Variants in CHD3 observed in about 807,000 individuals in gnomAD.
CHD3 encodes the protein chromodomain helicase DNA binding protein 3, also known as ATP-dependent chromatin remodeler CHD3.
CHD3 carries 52 observed loss-of-function variants against 248.9 expected under a neutral mutation model. The observed-to-expected ratio is 0.21, with a 90% CI of 0.17 to 0.26. The LOEUF is 0.26. Ranked by LOEUF, CHD3 falls within the 10% of genes least tolerant of loss-of-function variation. The pLI, the probability that CHD3 is intolerant of heterozygous loss-of-function variation, is 1.00. For synonymous variants in CHD3, 985 were observed against 985.2 expected, an observed-to-expected ratio of 1.00 and a Z score of 0.00; for missense variants, 1,482 against 2,605.8, an observed-to-expected ratio of 0.57 and a Z score of 9.39.
chr17:7,898,969 G>A (rs376674854), intron 13 of CHD3, 42 bp from the exon 14 acceptor site: 12 of 1,562,720 alleles, frequency 7.7e-6, no homozygotes, highest in African/African-American at 1.4e-5. Context: ...TGGAGGAGCC[G>A]CCGACTATTT....
In CHD3 at chr17:7,910,013, G is replaced by T; in HGVS notation, c.5591-415G>T. On this transcript the variant is annotated intron_variant, in intron 37 of 39. Coordinates refer to ENST00000330494, the MANE Select transcript of CHD3 (RefSeq NM_001005273.3). This position sits in a 1 kb window ranked among gnomAD's most constrained non-coding sequence, Gnocchi z 4.7. ...TAAAACCGTGATTCCTTAAAGCTTT[G>T]ACACTTACCACCTCCCATGCCTCCT... 3.5e-6 allele frequency: 1 copy of T among 287,942 alleles called. No homozygotes were observed. 17.8% of individuals were successfully genotyped at this position (287,942 alleles called of 1,614,324 possible).
In CHD3 at chr17:7,899,669, C is replaced by T. The variant is rs1271074945; in HGVS notation, c.2544+126C>T. On this transcript the variant is annotated intron_variant, in intron 15 of 39. Coordinates refer to ENST00000330494, the MANE Select transcript of CHD3 (RefSeq NM_001005273.3). This position sits in a 1 kb window ranked among gnomAD's most constrained non-coding sequence, Gnocchi z 6.8. ...TCTTCCTCCACCTGTCCTCCTGTCTCTGCACTACCATCCTAGAGATATGGC... is the reference window on the plus strand; with the variant it reads ...TCTTCCTCCACCTGTCCTCCTGTCTTTGCACTACCATCCTAGAGATATGGC... The T allele has an allele frequency of 9.4e-7, 1 of 1,068,724 alleles. No homozygotes were observed. The allele number at this position is 1,068,724 out of a possible 1,614,324, so 66.2% of individuals were successfully genotyped here.
Position 7,895,081 on chromosome 17 carries a change from C to T in CHD3, c.1434C>T (p.Tyr478=). 1.2e-6 allele frequency: 2 copies of T among 1,614,118 alleles called. No individual in the cohort carries two copies. The highest frequency in any genetic ancestry group is 1.1e-5 in the South Asian group (1 of 91,080). ...GCTGTGACGCGTGCATCTCCTCCTA[C>T]CACATTCATTGTCTAAACCCTCCCC... The part of the protein sequence containing the change: ...LLCCDACISS[Y]HIHCLNPPLP... The change falls in exon 9 of 40, where the codon TAC becomes TAT. Residue 478 remains tyrosine, a synonymous_variant. Transcript: ENST00000330494. The surrounding 1 kb of genome is among the most constrained non-coding windows in gnomAD (Gnocchi z 4.9).
Position 7,894,549 on chromosome 17 carries a change from G to A in CHD3, c.1210G>A (p.Val404Ile), listed in dbSNP as rs1383965928. Residue 404 changes from valine to isoleucine, a missense_variant, in exon 8 of 40, where the codon GTC becomes ATC. This residue lies in a region of CHD3 where 138 missense variants were observed against 241.1 expected (regional missense o/e 0.57). Transcript: ENST00000330494. ...CACCTGCCCTCGTGCCTACCACCTC[G>A]TCTGCCTTGATCCTGAGCTTGACCG... ...CDTCPRAYHL[V>I]CLDPELDRAP... 8 of 1,614,054 alleles carry A rather than the reference G, an allele frequency of 5.0e-6. No individual in the cohort carries two copies. Among genetic ancestry groups the A allele is most frequent in the South Asian group, 3.3e-5 (3 of 91,072 alleles).
In CHD3 at chr17:7,905,682, G is replaced by A; in HGVS notation, c.4200G>A (p.Leu1400=). The change falls in exon 27 of 40, where the codon CTG becomes CTA. Residue 1400 remains leucine (L), a synonymous_variant. Transcript: ENST00000330494. The surrounding 1 kb of genome is among the most constrained non-coding windows in gnomAD (Gnocchi z 5.8). ...NEKDKPLPPL[L]ARVGGNIEVL... is the part of the protein sequence containing the mutation. ...AAGATAAGCCACTGCCTCCACTGCTGGCCCGAGTCGGGGGCAACATTGAGG... is the reference window on the plus strand; with the variant it reads ...AAGATAAGCCACTGCCTCCACTGCTAGCCCGAGTCGGGGGCAACATTGAGG... The A allele has an allele frequency of 1.2e-6, 2 of 1,611,766 alleles. No individual in the cohort carries two copies. Among genetic ancestry groups the A allele is most frequent in the Non-Finnish European group, 1.7e-6 (2 of 1,178,650 alleles).
rs1434472389 is a variant in CHD3, at chr17:7,889,630, A to G, written c.101-34A>G. 1.3e-6 allele frequency: 2 copies of G among 1,573,520 alleles called. No individual in the cohort carries two copies. Among genetic ancestry groups the G allele is most frequent in the Non-Finnish European group, 1.7e-6 (2 of 1,153,426 alleles). Reference sequence around the variant, plus strand: ...GGGGCCTCAGAGGCTGGAAACCTAGAGGCTTAGGTTTTCTGATGCTTTTTG... The same window carrying G: ...GGGGCCTCAGAGGCTGGAAACCTAGGGGCTTAGGTTTTCTGATGCTTTTTG... On this transcript the variant is annotated intron_variant, in intron 1 of 39. Transcript: ENST00000330494. This position sits in a 1 kb window ranked among gnomAD's most constrained non-coding sequence, Gnocchi z 4.5.
In CHD3 at chr17:7,910,168, C is replaced by T. The variant is rs1298529150; in HGVS notation, c.5591-260C>T. 1.5e-5 allele frequency: 5 copies of T among 333,140 alleles called. No homozygotes were observed. Among genetic ancestry groups the T allele is most frequent in the African/African-American group, 6.8e-5 (3 of 44,426 alleles). The allele number at this position is 333,140 out of a possible 1,614,324, so 20.6% of individuals were successfully genotyped here. A position where few individuals can be genotyped will look rare whatever the true frequency, so the allele number is the denominator to read the frequency against. On this transcript the variant is annotated intron_variant, in intron 37 of 39. Coordinates refer to ENST00000330494, the MANE Select transcript of CHD3 (RefSeq NM_001005273.3). The surrounding 1 kb of genome is among the most constrained non-coding windows in gnomAD (Gnocchi z 4.7). Reference sequence around the variant, plus strand: ...TTTCCTCCATGCTCCCTTTTTCTTTCTTCTTTCTCTCCATCTGTCTTCTGT... The same window carrying T: ...TTTCCTCCATGCTCCCTTTTTCTTTTTTCTTTCTCTCCATCTGTCTTCTGT...
At position 7,894,987 on chromosome 17, in the gene CHD3, G is replaced by C. The variant is rs757304805; in HGVS notation, c.1340G>C (p.Gly447Ala). 1.9e-6 allele frequency: 3 copies of C among 1,613,970 alleles called. No individual in the cohort carries two copies. The South Asian group carries it at 3.3e-5, about 18-fold the overall frequency. ...EEYEEEGEEE[G>A]EKEEEDDHME... is the part of the protein sequence containing the mutation. ...TACGAAGAGGAGGGAGAGGAAGAAG[G>C]GGAGAAGGAGGAGGAGGATGATCAC... The change falls in exon 9 of 40, where the codon GGG becomes GCG. Residue 447 changes from glycine to alanine, a missense_variant. Transcript: ENST00000330494.
rs751611095 is a variant in CHD3, at chr17:7,905,577, G to C, written c.4139-44G>C. On this transcript the variant is annotated intron_variant, in intron 26 of 39. Coordinates refer to ENST00000330494, the MANE Select transcript of CHD3 (RefSeq NM_001005273.3). The surrounding 1 kb of genome is among the most constrained non-coding windows in gnomAD (Gnocchi z 5.8). ...GGGTGCTAAGGAGGACTGAGGCTTA[G>C]AGGAGGTGGTGGCTCAGCTAACTGA... is the stretch of plus-strand genomic sequence containing the variant. 4 of 1,443,748 alleles carry C rather than the reference G, an allele frequency of 2.8e-6. No individual in the cohort carries two copies. The highest frequency in any genetic ancestry group is 3.8e-6 in the Non-Finnish European group (4 of 1,058,714). The allele number at this position is 1,443,748 out of a possible 1,614,324, so 89.4% of individuals were successfully genotyped here.
At position 7,890,653 on chromosome 17, in the gene CHD3, CG is replaced by C; in HGVS notation, c.299del (p.Gly100ValfsTer41). 6.2e-7 allele frequency: 1 copy of C among 1,603,842 alleles called. No homozygotes were observed. Among genetic ancestry groups the C allele is most frequent in the Non-Finnish European group, 8.5e-7 (1 of 1,177,784 alleles). ...ESGGSEYGTG[P>X]GRKRRRKHRE... is the part of the protein sequence containing the mutation. ...GGGGGCAGTGAATATGGAACCGGAC[CG>C]GGTCGGAAACGAAGAAGGAAGCACC... On this transcript the variant is annotated frameshift_variant, in exon 3 of 40. Transcript: ENST00000330494. LOFTEE classifies it high-confidence loss of function.
rs954321833 is a variant in CHD3 at position 7,909,015 on chromosome 17, G to A, written c.5395-128G>A. ...CAGGGTTGCTGCTAGGTTCGCAGTCGGTTTGGAGCTGGGAGTGCCCTGGGC... is the reference window on the plus strand; with the variant it reads ...CAGGGTTGCTGCTAGGTTCGCAGTCAGTTTGGAGCTGGGAGTGCCCTGGGC... On this transcript the variant is annotated intron_variant, in intron 36 of 39. Coordinates refer to ENST00000330494, the MANE Select transcript of CHD3 (RefSeq NM_001005273.3). The surrounding 1 kb of genome is among the most constrained non-coding windows in gnomAD (Gnocchi z 8.1). 1.3e-5 allele frequency: 19 copies of A among 1,415,960 alleles called. No individual in the cohort carries two copies. Among genetic ancestry groups the A allele is most frequent in the South Asian group, 1.3e-4 (10 of 75,294 alleles). 87.7% of individuals were successfully genotyped at this position (1,415,960 alleles called of 1,614,324 possible).
chr17:7,888,078 T>G (rs1968243611), upstream of CHD3, among the ~76,000 whole-genome samples: 1 of 152,160 alleles, frequency 6.6e-6, no homozygotes, highest in South Asian at 2.1e-4. Flanking sequence ...CATGTTCAAG[T>G]CAACCGAAGT....
Position 7,902,919 on chromosome 17 carries a change from C to T in CHD3, c.3371-18C>T. 6.2e-7 allele frequency: 1 copy of T among 1,613,680 alleles called. No homozygotes were observed. The highest frequency in any genetic ancestry group is 8.5e-7 in the Non-Finnish European group (1 of 1,179,778). Reference sequence around the variant, plus strand: ...CTACCGGGTACAAGAAAAACCTGATCCAACTCTCACCTCCTAGCTCCTGGG... The same window carrying T: ...CTACCGGGTACAAGAAAAACCTGATTCAACTCTCACCTCCTAGCTCCTGGG... On this transcript the variant is annotated intron_variant, in intron 21 of 39. Coordinates refer to ENST00000330494, the MANE Select transcript of CHD3 (RefSeq NM_001005273.3).
chr17:7,897,861 G>T lies in CHD3; in HGVS notation c.1920-110G>T. On this transcript the variant is annotated intron_variant, in intron 11 of 39. Transcript: ENST00000330494. This position sits in a 1 kb window ranked among gnomAD's most constrained non-coding sequence, Gnocchi z 4.8. ...CCAGCAGCTCACTGTTGACGGTTGG[G>T]TGACAAATTTTGTGTGTTTGCTGAT... is the stretch of plus-strand genomic sequence containing the variant. The T allele has an allele frequency of 8.0e-7, 1 of 1,244,562 alleles. No individual in the cohort carries two copies. The highest frequency in any genetic ancestry group is 1.1e-6 in the Non-Finnish European group (1 of 890,868). The allele number at this position is 1,244,562 out of a possible 1,614,324, so 77.1% of individuals were successfully genotyped here. A position where few individuals can be genotyped will look rare whatever the true frequency, so the allele number is the denominator to read the frequency against.
At chr17:7,888,732 GC>G, upstream of CHD3, 2 of 1,060,416 alleles carry the variant, frequency 1.9e-6, no homozygotes, top group Non-Finnish European at 2.5e-6. Context: ...GTGTGGGTGC[GC>G]GCGTGCGCGC....
chr17:7,904,510 G>A lies in CHD3; in HGVS notation c.3963G>A (p.Leu1321=), dbSNP rs1970683580. ...ENVDPDYWEK[L]LRHHYEQQQE... ...TGGACCCTGACTACTGGGAGAAGCT[G>A]CTGAGGCATCACTATGAGCAACAGC... is the stretch of plus-strand genomic sequence containing the variant. The change falls in exon 25 of 40, where the codon CTG becomes CTA. Residue 1321 remains leucine (L), a synonymous_variant. Transcript: ENST00000330494. This position sits in a 1 kb window ranked among gnomAD's most constrained non-coding sequence, Gnocchi z 4.4. 6.2e-7 allele frequency: 1 copy of A among 1,614,144 alleles called. No homozygotes were observed. The highest frequency in any genetic ancestry group is 1.1e-5 in the South Asian group (1 of 91,084).
At chr17:7,886,598 C>T (rs1397206343), upstream of CHD3, among the ~76,000 whole-genome samples, 1 of 152,116 alleles carries the variant, frequency 6.6e-6, no homozygotes, top group Non-Finnish European at 1.5e-5. This position sits in a 1 kb window ranked among gnomAD's most constrained non-coding sequence, Gnocchi z 4.2. Flanking sequence ...AAAGTCTCCC[C>T]GCCCCCCAAG....
Position 7,907,029 on chromosome 17 carries a change from C to T in CHD3, c.4664C>T (p.Pro1555Leu). The T allele has an allele frequency of 6.2e-7, 1 of 1,614,156 alleles. No homozygotes were observed. The highest frequency in any genetic ancestry group is 2.2e-5 in the East Asian group (1 of 44,872). ...ACCAACAGTCCCTGCACCTCTAAACCTGGTAATCAGAAGTCAGGATGGTGG... is the reference window on the plus strand; with the variant it reads ...ACCAACAGTCCCTGCACCTCTAAACTTGGTAATCAGAAGTCAGGATGGTGG... ...SATNSPCTSKPATPAPSEKGE... is the reference protein window; with the variant it reads ...SATNSPCTSKLATPAPSEKGE... The change falls in exon 30 of 40, where the codon CCT becomes CTT. Residue 1555 changes from proline (P) to leucine (L), a missense_variant and splice_region_variant. This residue lies in a region of CHD3 where 254 missense variants were observed against 266.7 expected (regional missense o/e 0.95). Coordinates refer to ENST00000330494, the MANE Select transcript of CHD3 (RefSeq NM_001005273.3). This position sits in a 1 kb window ranked among gnomAD's most constrained non-coding sequence, Gnocchi z 4.3.
upstream of CHD3, among the ~76,000 whole-genome samples, chr17:7,887,890 C>G (rs1258553717): frequency 6.6e-6 from 1 of 152,226 alleles, no homozygotes; most frequent in Non-Finnish European, 1.5e-5. Context: ...TTTTCCTTGC[C>G]GTTCTCGCTT....
Sources: allele counts gnomAD v4.1 joint callset (sites outside exome capture counted in the v4.1 genomes callset), GRCh38; gene constraint gnomAD v4.1.1; regional missense constraint gnomAD v4.1.1; non-coding constraint Gnocchi (gnomAD v3.1); transcripts MANE v1.5; gene names NCBI Gene and HGNC (gene_info 2026-07-23, HGNC 2026-07-21).